Variants in SHISA9 observed in about 807,000 individuals in gnomAD.
SHISA9 encodes shisa family member 9, also known as protein shisa-9.
In SHISA9, 13 loss-of-function variants were observed where a neutral mutation model predicts 38.0. That is an observed-to-expected ratio of 0.34 (90% CI 0.22 to 0.54). SHISA9 has a LOEUF of 0.54. Among genes scored for constraint, SHISA9 ranks in the 20% least tolerant of loss-of-function variants. The pLI, the probability that SHISA9 is intolerant of heterozygous loss-of-function variation, is 0.91. For synonymous variants in SHISA9, 275 were observed against 242.0 expected, an observed-to-expected ratio of 1.14 and a Z score of -1.27; for missense variants, 538 against 575.8, an observed-to-expected ratio of 0.93 and a Z score of 0.67.
the SHISA9 span, among the ~76,000 whole-genome samples, chr16:13,474,791 A>G: frequency 6.6e-6 from 1 of 152,210 alleles, no homozygotes; most frequent in Non-Finnish European, 1.5e-5. Context: ...AACCATGTGA[A>G]AATCAGGGCA....
the SHISA9 span, among the ~76,000 whole-genome samples, chr16:13,352,109 C>T: frequency 6.6e-6 from 1 of 152,128 alleles, no homozygotes; most frequent in East Asian, 1.9e-4. Flanking sequence ...AACACCAAAA[C>T]ATTCCTCCCT....
the SHISA9 span, among the ~76,000 whole-genome samples, chr16:13,297,092 ACT>A: frequency 6.6e-6 from 1 of 151,994 alleles, no homozygotes; most frequent in East Asian, 1.9e-4. Context: ...TTTATATTTG[ACT>A]CTAATGGCAT....
chr16:13,228,270 C>A (rs1426934240), intron 4 of SHISA9, among the ~76,000 whole-genome samples: 2 of 152,220 alleles, frequency 1.3e-5, no homozygotes, highest in African/African-American at 4.8e-5. Context: ...CACCAAGCAA[C>A]CAGCTCAGAG....
At chr16:13,294,071 C>T in the SHISA9 span, among the ~76,000 whole-genome samples, 3 of 152,270 alleles carry the variant, frequency 2.0e-5, no homozygotes, top group East Asian at 1.9e-4. Context: ...TATTGCAGAG[C>T]TTCTGGTCAT....
the SHISA9 span, among the ~76,000 whole-genome samples, chr16:13,312,841 A>G: frequency 4.6e-5 from 7 of 152,196 alleles, no homozygotes; most frequent in Non-Finnish European, 7.3e-5. Flanking sequence ...TAATGTTTCA[A>G]TTATGGACTA....
the SHISA9 span, among the ~76,000 whole-genome samples, chr16:13,503,463 A>G: frequency 6.6e-6 from 1 of 152,182 alleles, no homozygotes; most frequent in Non-Finnish European, 1.5e-5. Flanking sequence ...ATGCTGATGC[A>G]TTCACCTGGA....
chr16:13,279,362 C>G, the SHISA9 span, among the ~76,000 whole-genome samples: 26 of 151,872 alleles, frequency 1.7e-4, no homozygotes, highest in South Asian at 5.4e-3. Flanking sequence ...GAAAACTTAT[C>G]CTGTGGTTGA....
the SHISA9 span, among the ~76,000 whole-genome samples, chr16:13,516,413 A>C: frequency 1.3e-5 from 2 of 152,332 alleles, no homozygotes; most frequent in Non-Finnish European, 2.9e-5. Context: ...GAAGGAAAGA[A>C]GTTGGAGATT....
At chr16:13,109,659 A>G (rs1167973869) in intron 2 of SHISA9, among the ~76,000 whole-genome samples, 5 of 152,168 alleles carry the variant, frequency 3.3e-5, no homozygotes, top group African/African-American at 4.8e-5. Context: ...TCACCCCAAT[A>G]AGATCCTTGT....
chr16:13,381,725 A>T, the SHISA9 span, among the ~76,000 whole-genome samples: 2 of 152,210 alleles, frequency 1.3e-5, no homozygotes, highest in East Asian at 3.8e-4. Flanking sequence ...TATATTATCT[A>T]TAAACCTAAC....
intron 1 of SHISA9, among the ~76,000 whole-genome samples, chr16:12,912,469 G>GA (rs2071198384): frequency 6.6e-6 from 1 of 152,106 alleles, no homozygotes; most frequent in Admixed American, 6.5e-5. Context: ...GGACTTCTTA[G>GA]AAAATCCGAT....
chr16:13,130,024 T>C (rs1235425081), intron 2 of SHISA9, among the ~76,000 whole-genome samples: 3 of 152,140 alleles, frequency 2.0e-5, no homozygotes, highest in Non-Finnish European at 4.4e-5. Context: ...ACCACTTAAG[T>C]TGAATGACCC....
chr16:13,499,005 G>A, the SHISA9 span, among the ~76,000 whole-genome samples: 1 of 152,166 alleles, frequency 6.6e-6, no homozygotes, highest in African/African-American at 2.4e-5. Flanking sequence ...CCAGACATAA[G>A]GTGAGAGGTC....
the SHISA9 span, among the ~76,000 whole-genome samples, chr16:13,310,389 T>A: frequency 2.6e-5 from 4 of 152,146 alleles, no homozygotes; most frequent in African/African-American, 4.8e-5. Flanking sequence ...TCACATAGTT[T>A]AAGAAATAAA....
At chr16:13,477,024 G>A in the SHISA9 span, among the ~76,000 whole-genome samples, 4 of 152,088 alleles carry the variant, frequency 2.6e-5, no homozygotes, top group Non-Finnish European at 4.4e-5. Context: ...GATTACAGGC[G>A]TGAGCCACTG....
the SHISA9 span, among the ~76,000 whole-genome samples, chr16:13,258,760 A>G: frequency 6.6e-6 from 1 of 152,222 alleles, no homozygotes; most frequent in Non-Finnish European, 1.5e-5. Flanking sequence ...ATTTCATGAG[A>G]CTTATTCACT....
chr16:13,091,215 T>A (rs1224729214), intron 2 of SHISA9, among the ~76,000 whole-genome samples: 1 of 152,216 alleles, frequency 6.6e-6, no homozygotes, highest in Non-Finnish European at 1.5e-5. Context: ...GACCTTTCTC[T>A]CTGGCTGCCC....
intron 3 of SHISA9, among the ~76,000 whole-genome samples, chr16:13,212,291 G>A (rs1279309268): frequency 6.6e-6 from 1 of 152,218 alleles, no homozygotes; most frequent in African/African-American, 2.4e-5. Flanking sequence ...AGCCAATGAG[G>A]AGAGGTCTCG....
chr16:13,247,366 A>G, the SHISA9 span, among the ~76,000 whole-genome samples: 1 of 152,180 alleles, frequency 6.6e-6, no homozygotes, highest in African/African-American at 2.4e-5. Context: ...ACCTTTACAT[A>G]CCTGATCTTT....
Sources: allele counts gnomAD v4.1 joint callset (sites outside exome capture counted in the v4.1 genomes callset), GRCh38; gene constraint gnomAD v4.1.1; transcripts MANE v1.5; gene names NCBI Gene and HGNC (gene_info 2026-07-23, HGNC 2026-07-21).